Variants in ASB7 observed in about 807,000 individuals in gnomAD.
ASB7 encodes the protein ankyrin repeat and SOCS box protein 7.
In ASB7, 4 loss-of-function variants were observed where a neutral mutation model predicts 32.5. The observed-to-expected ratio is 0.12, with a 90% confidence interval of 0.06 to 0.28. The LOEUF is 0.28. Among genes scored for constraint, ASB7 ranks in the 10% least tolerant of loss-of-function variants. The probability of loss-of-function intolerance (pLI) is 1.00; values close to 1 mark genes in which losing one functional copy is unlikely to be tolerated. For synonymous variants in ASB7, 172 were observed against 155.6 expected (o/e 1.11, Z -0.78); for missense variants, 181 against 407.1 (o/e 0.44, Z 4.78).
intron 5 of ASB7, among the ~76,000 whole-genome samples, chr15:100,639,046 T>C (rs954782197): frequency 4.6e-5 from 7 of 152,214 alleles, no homozygotes; most frequent in Admixed American, 2.0e-4. Flanking sequence ...AGTGATCTGT[T>C]TGTAGTAGAC....
Position 100,629,921 on chromosome 15 carries a change from G to A in ASB7, c.696G>A (p.Met232Ile). ...GGGATGATGTGCTGTGTGCACGGAT[G>A]TTATATAATTACGGAGCAGACACGA... ...ALRDDVLCARMLYNYGADTNT... is the reference protein window; with the variant it reads ...ALRDDVLCARILYNYGADTNT... The change falls in exon 5 of 6, where the codon ATG becomes ATA. Residue 232 changes from methionine (M) to isoleucine (I), a missense_variant. Transcript: ENST00000332783. The surrounding 1 kb of genome is among the most constrained non-coding windows in gnomAD (Gnocchi z 6.8). 6.2e-7 allele frequency: 1 copy of A among 1,614,178 alleles called. No individual in the cohort carries two copies. Among genetic ancestry groups the A allele is most frequent in the Non-Finnish European group, 8.5e-7 (1 of 1,180,040 alleles).
rs564825836 is a variant in ASB7, at chr15:100,649,115, T to C, written c.*653T>C. 6.5e-6 allele frequency: 1 copy of C among 152,722 alleles called. No homozygotes were observed. Among genetic ancestry groups the C allele is most frequent in the East Asian group, 1.9e-4 (1 of 5,186 alleles). The allele number at this position is 152,722 out of a possible 1,614,324, so 9.5% of individuals were successfully genotyped here. A position where few individuals can be genotyped will look rare whatever the true frequency, so the allele number is the denominator to read the frequency against. Reference sequence around the variant, plus strand: ...TTTTTTTTTAACAACTGTAGTACACTACCCTGAGACACTGCATCTCGATTT... The same window carrying C: ...TTTTTTTTTAACAACTGTAGTACACCACCCTGAGACACTGCATCTCGATTT... On this transcript the variant is annotated 3_prime_UTR_variant, in exon 6 of 6. Coordinates refer to ENST00000332783, the MANE Select transcript of ASB7 (RefSeq NM_198243.3).
At chr15:100,609,509 A>C (rs1260866365) in intron 2 of ASB7, 198 bp from the exon 3 acceptor site, 1 of 152,214 alleles carries the variant, frequency 6.6e-6, no homozygotes, top group Non-Finnish European at 1.5e-5. Context: ...GAAAAGCCTG[A>C]AACTAAATAG....
chr15:100,641,427 C>T (rs1035259090), intron 5 of ASB7, among the ~76,000 whole-genome samples: 5 of 152,124 alleles, frequency 3.3e-5, no homozygotes, highest in Admixed American at 1.3e-4. Context: ...CCTTATTATG[C>T]CTAAAATTTA....
intron 4 of ASB7, among the ~76,000 whole-genome samples, chr15:100,620,341 T>C (rs1390020810): frequency 6.6e-6 from 1 of 152,252 alleles, no homozygotes; most frequent in Non-Finnish European, 1.5e-5. Flanking sequence ...TTTTCATCTG[T>C]GGTTTGTTGA....
intron 4 of ASB7, among the ~76,000 whole-genome samples, chr15:100,617,510 C>T (rs1266720098): frequency 6.6e-6 from 1 of 152,180 alleles, no homozygotes; most frequent in Admixed American, 6.5e-5. Flanking sequence ...CTGCTTCTCT[C>T]TCAGCTCTCA....
rs577033127 is a variant in ASB7 at position 100,605,948 on chromosome 15, G to A, written c.-174+2635G>A. Among the ~76,000 whole-genome samples the A allele has an allele frequency of 3.9e-5, 6 of 152,292 alleles. No individual in the cohort carries two copies. In the East Asian group the frequency reaches 9.6e-4, roughly 24 times the overall value. The stretch of plus-strand genomic sequence containing the variant: ...GTAATAAATCCTTATGTTATATGGA[G>A]GCCCAGTAATTTGGAGGAAATACTA... On this transcript the variant is annotated intron_variant, in intron 2 of 5. Transcript: ENST00000332783.
intron 5 of ASB7, chr15:100,646,461 G>C: frequency 4.3e-6 from 2 of 466,448 alleles, no homozygotes; most frequent in South Asian, 3.2e-5. Context: ...GTTTGACCAA[G>C]GGCATTCACA....
At chr15:100,605,513 C>T (rs1237173192) in intron 2 of ASB7, among the ~76,000 whole-genome samples, 1 of 152,202 alleles carries the variant, frequency 6.6e-6, no homozygotes, top group Non-Finnish European at 1.5e-5. Context: ...TTAGTTAATA[C>T]TATGACACAT....
At chr15:100,645,921 G>A in intron 5 of ASB7, 1 of 633,782 alleles carries the variant, frequency 1.6e-6, no homozygotes. Context: ...GGCCAGAGAA[G>A]GTCACTATGG....
chr15:100,625,237 A>G (rs920928254), intron 4 of ASB7, among the ~76,000 whole-genome samples: 1 of 152,226 alleles, frequency 6.6e-6, no homozygotes, highest in African/African-American at 2.4e-5. Context: ...AACCAGTGGA[A>G]TGAGGGCAGA....
intron 4 of ASB7, among the ~76,000 whole-genome samples, chr15:100,628,662 A>G (rs1422667364): frequency 2.6e-5 from 4 of 152,212 alleles, no homozygotes; most frequent in African/African-American, 9.7e-5. Context: ...GTGACAAAAG[A>G]CTGTGACTTG....
At chr15:100,637,435 A>T (rs1045824235) in intron 5 of ASB7, among the ~76,000 whole-genome samples, 2 of 152,266 alleles carry the variant, frequency 1.3e-5, no homozygotes, top group Non-Finnish European at 2.9e-5. Context: ...GACTTCTTCA[A>T]TCAGTGGAGA....
intron 4 of ASB7, among the ~76,000 whole-genome samples, chr15:100,618,175 G>A (rs1334275077): frequency 6.6e-6 from 1 of 152,114 alleles, no homozygotes; most frequent in East Asian, 1.9e-4. Flanking sequence ...GGAGTGCAGT[G>A]GCGTGATCTC....
intron 5 of ASB7, among the ~76,000 whole-genome samples, chr15:100,637,428 TTCTTC>T (rs1187450993): frequency 6.6e-6 from 1 of 152,250 alleles, no homozygotes; most frequent in African/African-American, 2.4e-5. Flanking sequence ...ATCTAGAGAC[TTCTTC>T]AATCAGTGGA....
intron 5 of ASB7, among the ~76,000 whole-genome samples, chr15:100,641,331 C>T (rs2141406554): frequency 6.6e-6 from 1 of 152,256 alleles, no homozygotes; most frequent in South Asian, 2.1e-4. Context: ...CTCTTTCAGT[C>T]ATAATCTTCT....
intron 4 of ASB7, among the ~76,000 whole-genome samples, chr15:100,620,866 C>T (rs1227644598): frequency 2.0e-5 from 3 of 152,124 alleles, no homozygotes; most frequent in African/African-American, 2.4e-5. Context: ...AATTGGCCCA[C>T]GGGCAGTTGG....
chr15:100,618,114 T>TTTTA (rs1324059357), intron 4 of ASB7, among the ~76,000 whole-genome samples: 7 of 152,040 alleles, frequency 4.6e-5, no homozygotes, highest in Non-Finnish European at 7.4e-5. Flanking sequence ...TTCTTTTCTT[T>TTTTA]TTTATTTATT....
chr15:100,646,080 A>G lies in ASB7; in HGVS notation c.818-2243A>G, dbSNP rs77954075. ...CACTGCAAAATTTAGTTCCTGAGCT[A>G]TCAATAGCTGTGGAATCTACACTTG... is the stretch of plus-strand genomic sequence containing the variant. On this transcript the variant is annotated intron_variant, in intron 5 of 5. Transcript: ENST00000332783. The G allele has an allele frequency of 4.9e-4, 198 of 402,748 alleles. 2 individuals are homozygous for G. The East Asian group carries it at 5.8e-3, about 12-fold the overall frequency. 24.9% of individuals were successfully genotyped at this position (402,748 alleles called of 1,614,324 possible).
Sources: gnomAD v4.1 joint callset for allele counts (sites outside exome capture counted in the v4.1 genomes callset) on GRCh38, gnomAD v4.1.1 for gene constraint, Gnocchi (gnomAD v3.1) non-coding constraint, MANE v1.5 for transcripts, NCBI Gene and HGNC (gene_info 2026-07-23, HGNC 2026-07-21) for gene names.